Variants in ALLC observed in about 807,000 individuals in gnomAD.
ALLC encodes probable inactive allantoicase.
Under a neutral mutation model 45.0 loss-of-function variants are expected in ALLC, and 40 were observed. That is an observed-to-expected ratio of 0.89 (90% CI 0.69 to 1.16). The LOEUF (loss-of-function observed/expected upper bound fraction) is 1.16, where lower values mean the gene tolerates loss of function less well. Among genes scored for constraint, ALLC ranks in the 50% most tolerant of loss-of-function variants. ALLC has a pLI of 0.00. For synonymous variants in ALLC, 176 were observed against 178.1 expected, an observed-to-expected ratio of 0.99 and a Z score of 0.09; for missense variants, 488 against 493.1, an observed-to-expected ratio of 0.99 and a Z score of 0.10.
upstream of ALLC, among the ~76,000 whole-genome samples, chr2:3,654,852 A>G (rs145147709): frequency 1.4e-4 from 21 of 152,374 alleles, no homozygotes; most frequent in African/African-American, 4.6e-4. Context: ...AGAGGACCGC[A>G]TGACTGTTTT....
chr2:3,669,707 G>T (rs901348753), intron 1 of ALLC, among the ~76,000 whole-genome samples: 1 of 152,172 alleles, frequency 6.6e-6, no homozygotes, highest in Non-Finnish European at 1.5e-5. Context: ...CAGGTGGACA[G>T]GATGCTGCAC....
intron 1 of ALLC, among the ~76,000 whole-genome samples, chr2:3,667,425 C>T (rs13395090): frequency 0.49 from 73,948 of 152,092 alleles, 18,753 homozygotes; most frequent in African/African-American, 0.64. Context: ...AACCAACACT[C>T]CCGTGACACT....
intron 10 of ALLC, among the ~76,000 whole-genome samples, chr2:3,699,802 T>C (rs1667777523): frequency 6.6e-6 from 1 of 152,232 alleles, no homozygotes; most frequent in African/African-American, 2.4e-5. Context: ...TGTCTTCTTT[T>C]GAAAAGCATT....
At chr2:3,651,324 T>G in the ALLC span, among the ~76,000 whole-genome samples, 44 of 6,826 alleles carry the variant, frequency 6.4e-3, no homozygotes, top group African/African-American at 0.022. Context: ...GGGGGGGGTG[T>G]GTGTGTGTGT....
Position 3,702,350 on chromosome 2 carries a change from G to A in ALLC, c.976-13G>A. 6.2e-7 allele frequency: 1 copy of A among 1,611,598 alleles called. No individual in the cohort carries two copies. The highest frequency in any genetic ancestry group is 8.5e-7 in the Non-Finnish European group (1 of 1,179,038). Reference sequence around the variant, plus strand: ...TTAACAGACTAGGACCTCTGCATCTGCTTGCTTTTCAGTTGTCTCCCAACC... The same window carrying A: ...TTAACAGACTAGGACCTCTGCATCTACTTGCTTTTCAGTTGTCTCCCAACC... On this transcript the variant is annotated splice_polypyrimidine_tract_variant and intron_variant, in intron 11 of 11. Coordinates refer to ENST00000252505, the MANE Select transcript of ALLC (RefSeq NM_018436.4).
intron 7 of ALLC, 57 bp downstream of exon 7, chr2:3,683,131 T>C (rs760439229): frequency 4.4e-5 from 68 of 1,531,672 alleles, no homozygotes; most frequent in Non-Finnish European, 5.9e-5. Flanking sequence ...TATGTTGACA[T>C]GTTTATAAAA....
chr2:3,700,172 T>A (rs1234356478), intron 10 of ALLC, among the ~76,000 whole-genome samples: 1 of 152,254 alleles, frequency 6.6e-6, no homozygotes, highest in Non-Finnish European at 1.5e-5. Context: ...AGTTGATTTT[T>A]GTATATGGTG....
chr2:3,650,550 C>A, the ALLC span, among the ~76,000 whole-genome samples: 4 of 50,994 alleles, frequency 7.8e-5, no homozygotes, highest in African/African-American at 4.1e-4. Context: ...AGCCCCTCGG[C>A]CCGGTGAACA....
chr2:3,669,326 T>G (rs1220377658), intron 1 of ALLC, among the ~76,000 whole-genome samples: 1 of 152,016 alleles, frequency 6.6e-6, no homozygotes, highest in Non-Finnish European at 1.5e-5. Context: ...ACAAAAAAAT[T>G]AGCCAGGCGT....
rs1217471038 is a variant in ALLC at position 3,687,121 on chromosome 2, ATTTATTGAGGG to A, written c.511+4051_511+4061del. 1.3e-5 allele frequency among the ~76,000 whole-genome samples: 2 copies of A among 150,552 alleles called. 1 individual carries two copies. The highest frequency in any genetic ancestry group is 3.0e-5 in the Non-Finnish European group (2 of 67,416). ...GAGGTAGTTTTTTTTTCTATACCCA[ATTTATTGAGGG>A]TTTTTTTCTTATCATGAAGTGACGT... On this transcript the variant is annotated intron_variant, in intron 7 of 11. Coordinates refer to ENST00000252505, the MANE Select transcript of ALLC (RefSeq NM_018436.4).
At chr2:3,657,671 G>A (rs1362225665), upstream of ALLC, among the ~76,000 whole-genome samples, 4 of 152,266 alleles carry the variant, frequency 2.6e-5, no homozygotes, top group Non-Finnish European at 4.4e-5. Context: ...GCCTTTGAAG[G>A]CAGGCGGCAC....
chr2:3,679,075 A>G (rs899401757), intron 4 of ALLC, among the ~76,000 whole-genome samples: 2 of 152,234 alleles, frequency 1.3e-5, no homozygotes, highest in African/African-American at 2.4e-5. Context: ...AGTCTCAATC[A>G]AAATATACCT....
At chr2:3,669,876 T>A (rs532483357) in intron 1 of ALLC, among the ~76,000 whole-genome samples, 1 of 152,296 alleles carries the variant, frequency 6.6e-6, no homozygotes, top group African/African-American at 2.4e-5. Flanking sequence ...GAGATTTGAT[T>A]CAACGTCCAA....
At chr2:3,662,380 C>A (rs987538834) in intron 1 of ALLC, among the ~76,000 whole-genome samples, 1 of 152,252 alleles carries the variant, frequency 6.6e-6, no homozygotes, top group East Asian at 1.9e-4. Flanking sequence ...CAAGGCCCCG[C>A]AGGCAGTTCT....
In ALLC at chr2:3,660,588, C is replaced by T. The variant is rs563391043; in HGVS notation, c.-63+2294C>T. Among the ~76,000 whole-genome samples, 8 of 152,134 alleles carry T rather than the reference C, an allele frequency of 5.3e-5. No homozygotes were observed. The South Asian group carries it at 1.7e-3, about 32-fold the overall frequency. On this transcript the variant is annotated intron_variant, in intron 1 of 11. Coordinates refer to ENST00000252505, the MANE Select transcript of ALLC (RefSeq NM_018436.4). ...CCATTTACTGCTATAGAAGGGTGTG[C>T]CCTCACAGATGGAGCAATGGCGCAC... is the stretch of plus-strand genomic sequence containing the variant.
At chr2:3,664,545 T>C (rs1447389726) in intron 1 of ALLC, among the ~76,000 whole-genome samples, 2 of 152,084 alleles carry the variant, frequency 1.3e-5, no homozygotes, top group Non-Finnish European at 2.9e-5. Flanking sequence ...ACAAAGGCTA[T>C]GGAGAATTTT....
chr2:3,651,175 G>A, the ALLC span, among the ~76,000 whole-genome samples: 2 of 152,006 alleles, frequency 1.3e-5, no homozygotes, highest in Non-Finnish European at 2.9e-5. Flanking sequence ...CGGCGGATCC[G>A]TGGCTCCATA....
At chr2:3,654,746 G>T (rs527731319), upstream of ALLC, among the ~76,000 whole-genome samples, 12 of 152,250 alleles carry the variant, frequency 7.9e-5, no homozygotes, top group Non-Finnish European at 1.5e-4. Flanking sequence ...CTGAGTGGAA[G>T]AAACGTATTC....
intron 11 of ALLC, 95 bp downstream of exon 11, chr2:3,701,731 C>A: frequency 7.1e-7 from 1 of 1,400,732 alleles, no homozygotes; most frequent in Non-Finnish European, 9.5e-7. Context: ...AAAGTTTCTG[C>A]TCAGTTTAAT....
Sources: gnomAD v4.1 joint callset for allele counts (sites outside exome capture counted in the v4.1 genomes callset) on GRCh38, gnomAD v4.1.1 for gene constraint, MANE v1.5 for transcripts, NCBI Gene and HGNC (gene_info 2026-07-23, HGNC 2026-07-21) for gene names.